The following NELL1 variants were observed in gnomAD, a reference collection of about 807,000 sequenced individuals.
NELL1 encodes protein kinase C-binding protein NELL1.
NELL1 carries 76 observed loss-of-function variants against 107.4 expected under a neutral mutation model. That is an observed-to-expected ratio of 0.71 (90% CI 0.59 to 0.86). The LOEUF (loss-of-function observed/expected upper bound fraction) is 0.86, where lower values mean the gene tolerates loss of function less well. NELL1 is among the 40% of genes least tolerant of loss of function. NELL1 has a pLI of 0.00. For synonymous variants in NELL1, 353 were observed against 341.2 expected (o/e 1.03, Z -0.38); for missense variants, 1,024 against 1,005.5 (o/e 1.02, Z -0.25).
chr11:21,120,000 G>GCTTCC (rs1565070017), intron 13 of NELL1, among the ~76,000 whole-genome samples: 1 of 152,062 alleles, frequency 6.6e-6, no homozygotes, highest in Non-Finnish European at 1.5e-5. Flanking sequence ...TATGCCAAAA[G>GCTTCC]CTTCCCATGA....
chr11:20,718,178 A>G (rs1855297276), intron 2 of NELL1, among the ~76,000 whole-genome samples: 1 of 152,208 alleles, frequency 6.6e-6, no homozygotes, highest in African/African-American at 2.4e-5. Flanking sequence ...TATCCAATAG[A>G]ACTTTCTGTG....
In NELL1 at chr11:21,264,394, G is replaced by A. The variant is rs550009581; in HGVS notation, c.1549+34940G>A. 1.6e-3 allele frequency among the ~76,000 whole-genome samples: 244 copies of A among 151,990 alleles called. 1 individual carries two copies. The highest frequency in any genetic ancestry group is 5.7e-3 in the African/African-American group (238 of 41,494). On this transcript the variant is annotated intron_variant, in intron 14 of 19. Transcript: ENST00000357134. The stretch of plus-strand genomic sequence containing the variant: ...GCACAAGCCTTGAATATGGTGCCCA[G>A]TGGAGGCCATGTTGTATCTGGAATG...
At chr11:20,720,121 T>C (rs553327897) in intron 2 of NELL1, among the ~76,000 whole-genome samples, 2 of 152,320 alleles carry the variant, frequency 1.3e-5, no homozygotes, top group Admixed American at 6.5e-5. Flanking sequence ...GAAAACGTTG[T>C]TGCTTTTGAT....
At chr11:21,152,006 G>T (rs1856128678) in intron 13 of NELL1, among the ~76,000 whole-genome samples, 1 of 152,168 alleles carries the variant, frequency 6.6e-6, no homozygotes, top group Non-Finnish European at 1.5e-5. Flanking sequence ...CAATATAGAG[G>T]TAAGTATGGA....
At chr11:21,334,380 A>T (rs1046908212) in intron 14 of NELL1, among the ~76,000 whole-genome samples, 1 of 151,920 alleles carries the variant, frequency 6.6e-6, no homozygotes, top group Non-Finnish European at 1.5e-5. Flanking sequence ...AAAATATTTT[A>T]TATCTAAAAA....
At chr11:20,802,894 T>C (rs1223899585) in intron 3 of NELL1, among the ~76,000 whole-genome samples, 1 of 152,200 alleles carries the variant, frequency 6.6e-6, no homozygotes, top group Non-Finnish European at 1.5e-5. Flanking sequence ...TGCTGAACCA[T>C]CTGTGCATAC....
At chr11:21,466,432 G>A (rs1854032697) in intron 15 of NELL1, among the ~76,000 whole-genome samples, 1 of 152,154 alleles carries the variant, frequency 6.6e-6, no homozygotes, top group African/African-American at 2.4e-5. Flanking sequence ...TCTTGTGACA[G>A]ATGACTGGGG....
chr11:21,071,767 G>A lies in NELL1; in HGVS notation c.1301-41822G>A, dbSNP rs115426455. Among the ~76,000 whole-genome samples the A allele has an allele frequency of 5.4e-3, 819 of 152,310 alleles. 5 individuals are homozygous for A. The highest frequency in any genetic ancestry group is 0.019 in the African/African-American group (786 of 41,572). ...GGAATCAAAGCTCGGCTCTAAGAGG[G>A]GAGAGGATGGAAAGTTCTTTGAGTC... On this transcript the variant is annotated intron_variant, in intron 12 of 19. Coordinates refer to ENST00000357134, the MANE Select transcript of NELL1 (RefSeq NM_006157.5).
chr11:21,490,458 CAAAAAAA>C (rs66826369), intron 15 of NELL1, among the ~76,000 whole-genome samples: 1 of 109,978 alleles, frequency 9.1e-6, no homozygotes, highest in Non-Finnish European at 1.9e-5. Flanking sequence ...TGTATGGAAC[CAAAAAAA>C]AAAAAAAAAA....
rs1213598506 is a variant in NELL1, at chr11:20,975,927, A to ATGTACATATATG, written c.1300+15381_1300+15392dup. Among the ~76,000 whole-genome samples, 3 of 134,808 alleles carry ATGTACATATATG rather than the reference A, an allele frequency of 2.2e-5. No homozygotes were observed. The East Asian group carries it at 7.6e-4, about 34-fold the overall frequency. 88.4% of individuals were successfully genotyped at this position (134,808 alleles called of 152,430 possible). ...ATGTGTATTATATAAACACACATAT[A>ATGTACATATATG]TGTACATATATGTGTACATATATGT... On this transcript the variant is annotated intron_variant, in intron 12 of 19. Transcript: ENST00000357134.
chr11:20,675,158 T>C (rs558942284), intron 1 of NELL1, among the ~76,000 whole-genome samples: 1 of 152,266 alleles, frequency 6.6e-6, no homozygotes, highest in South Asian at 2.1e-4. Flanking sequence ...TGCACAAGCA[T>C]ATTCAAGTCG....
At chr11:21,207,028 C>T (rs1459586746) in intron 13 of NELL1, among the ~76,000 whole-genome samples, 2 of 152,162 alleles carry the variant, frequency 1.3e-5, no homozygotes, top group Non-Finnish European at 2.9e-5. Context: ...CAAACAGCTT[C>T]ACTTCTTTCT....
intron 14 of NELL1, among the ~76,000 whole-genome samples, chr11:21,361,259 ATTTTTTT>A (rs59239329): frequency 2.0e-4 from 23 of 113,570 alleles, no homozygotes; most frequent in Non-Finnish European, 2.6e-4. Context: ...TTGTGTGACA[ATTTTTTT>A]TTTTTTTTTT....
chr11:21,121,035 A>C (rs1855355477), intron 13 of NELL1, among the ~76,000 whole-genome samples: 1 of 152,116 alleles, frequency 6.6e-6, no homozygotes, highest in African/African-American at 2.4e-5. Flanking sequence ...ATCACTTGGA[A>C]TCTGGGATCT....
Position 21,420,185 on chromosome 11 carries a change from T to C in NELL1, c.1645+49237T>C, listed in dbSNP as rs1852627068. Among the ~76,000 whole-genome samples the C allele has an allele frequency of 2.0e-5, 3 of 152,162 alleles. No individual in the cohort carries two copies. In the South Asian group the frequency reaches 6.2e-4, roughly 32 times the overall value. On this transcript the variant is annotated intron_variant, in intron 15 of 19. Transcript: ENST00000357134. ...AGTTATTAAGCTTATCTCAACTTTG[T>C]CGCATAACAAGTCATTAAGCCTCAT...
At chr11:20,757,435 T>C (rs1402623004) in intron 2 of NELL1, among the ~76,000 whole-genome samples, 1 of 152,200 alleles carries the variant, frequency 6.6e-6, no homozygotes, top group East Asian at 1.9e-4. Context: ...TTACAGCCTT[T>C]CAAATTTCTA....
chr11:21,052,567 A>T (rs1307615392), intron 12 of NELL1, among the ~76,000 whole-genome samples: 1 of 152,184 alleles, frequency 6.6e-6, no homozygotes, highest in Non-Finnish European at 1.5e-5. Flanking sequence ...TGCCAGCTAC[A>T]GTTCCAGGTA....
At chr11:21,483,695 A>G (rs912844742) in intron 15 of NELL1, among the ~76,000 whole-genome samples, 1 of 151,796 alleles carries the variant, frequency 6.6e-6, no homozygotes, top group Non-Finnish European at 1.5e-5. Context: ...TATATAAAAT[A>G]TGAATTATGC....
intron 15 of NELL1, among the ~76,000 whole-genome samples, chr11:21,503,352 G>A (rs1590985979): frequency 6.6e-6 from 1 of 152,176 alleles, no homozygotes. Flanking sequence ...CCAGTTGTAA[G>A]CTATAAATCA....
Sources: allele counts gnomAD v4.1 joint callset (sites outside exome capture counted in the v4.1 genomes callset), GRCh38; gene constraint gnomAD v4.1.1; transcripts MANE v1.5; gene names NCBI Gene and HGNC (gene_info 2026-07-23, HGNC 2026-07-21).